The following GTF3C1 variants were observed in gnomAD, a reference collection of about 807,000 sequenced individuals.
The protein encoded by GTF3C1 is general transcription factor IIIC subunit 1.
GTF3C1 carries 57 observed loss-of-function variants against 226.7 expected under a neutral mutation model. The observed-to-expected ratio is 0.25, with a 90% CI of 0.20 to 0.31. The LOEUF is 0.31. Among genes scored for constraint, GTF3C1 ranks in the 10% least tolerant of loss-of-function variants. GTF3C1 has a pLI of 1.00. For synonymous variants in GTF3C1, 1,090 were observed against 1,084.8 expected, an observed-to-expected ratio of 1.00 and a Z score of -0.09; for missense variants, 2,217 against 2,776.1, an observed-to-expected ratio of 0.80 and a Z score of 4.53.
In GTF3C1 at chr16:27,470,078, G is replaced by C; in HGVS notation, c.4814+30C>G. On this transcript the variant is annotated intron_variant, in intron 31 of 36. Transcript: ENST00000356183. The surrounding 1 kb of genome is among the most constrained non-coding windows in gnomAD (Gnocchi z 4.9). ...CTGGCCAATGCCTAGCACGTGGCCA[G>C]ACCTGATGCTGCGGATGCCGGACTC... is the stretch of plus-strand genomic sequence containing the variant. 6.3e-7 allele frequency: 1 copy of C among 1,594,320 alleles called. No homozygotes were observed. Among genetic ancestry groups the C allele is most frequent in the Non-Finnish European group, 8.6e-7 (1 of 1,166,022 alleles).
At chr16:27,466,620 C>A (rs2087790857) in intron 32 of GTF3C1, among the ~76,000 whole-genome samples, 1 of 152,184 alleles carries the variant, frequency 6.6e-6, no homozygotes, top group African/African-American at 2.4e-5. Context: ...TAGAAAATAT[C>A]AGGCTCTGTG....
intron 6 of GTF3C1, among the ~76,000 whole-genome samples, chr16:27,514,370 T>C (rs2088624577): frequency 6.6e-6 from 1 of 152,096 alleles, no homozygotes; most frequent in South Asian, 2.1e-4. Flanking sequence ...AGGGGAAGTA[T>C]GGGGACAAGG....
At chr16:27,473,674 C>T (rs143023732) in intron 29 of GTF3C1, among the ~76,000 whole-genome samples, 21 of 152,332 alleles carry the variant, frequency 1.4e-4, no homozygotes, top group African/African-American at 4.6e-4. Context: ...GGGACCGGTG[C>T]GGTGGTCAGC....
intron 6 of GTF3C1, among the ~76,000 whole-genome samples, chr16:27,513,384 G>A (rs866023688): frequency 2.6e-5 from 4 of 152,184 alleles, no homozygotes; most frequent in Non-Finnish European, 4.4e-5. Context: ...AGCCTGGGAG[G>A]TCGAGGTTGC....
chr16:27,533,106 A>T (rs921258816), intron 5 of GTF3C1, among the ~76,000 whole-genome samples, 185 bp downstream of exon 5: 9 of 152,210 alleles, frequency 5.9e-5, no homozygotes, highest in African/African-American at 1.7e-4. Flanking sequence ...CACCCCAGCC[A>T]GGGCAACAGA....
At position 27,470,434 on chromosome 16, in the gene GTF3C1, A is replaced by G. The variant is rs1424264730; in HGVS notation, c.4527-39T>C. The G allele has an allele frequency of 5.8e-6, 9 of 1,541,744 alleles. No homozygotes were observed. Among genetic ancestry groups the G allele is most frequent in the Non-Finnish European group, 8.0e-6 (9 of 1,123,706 alleles). On this transcript the variant is annotated intron_variant, in intron 30 of 36. Coordinates refer to ENST00000356183, the MANE Select transcript of GTF3C1 (RefSeq NM_001520.4). The surrounding 1 kb of genome is among the most constrained non-coding windows in gnomAD (Gnocchi z 4.9). ...GAAAGGAAGGGCCTGACTGAGGGCC[A>G]GCTGTGGGAAGCCTTCATTTGGATG...
At chr16:27,484,440 T>C in intron 24 of GTF3C1, 87 bp from the exon 25 acceptor site, 1 of 913,466 alleles carries the variant, frequency 1.1e-6, no homozygotes, top group Non-Finnish European at 1.8e-6. Flanking sequence ...GGACAAAATG[T>C]GTTTTGTGCA....
intron 6 of GTF3C1, among the ~76,000 whole-genome samples, chr16:27,516,237 G>A (rs1226194347): frequency 6.6e-6 from 1 of 152,238 alleles, no homozygotes; most frequent in Non-Finnish European, 1.5e-5. Context: ...TTCTCAGCAT[G>A]AGGCTCAGTT....
At chr16:27,498,112 A>T (rs1038038554) in intron 13 of GTF3C1, among the ~76,000 whole-genome samples, 2 of 152,218 alleles carry the variant, frequency 1.3e-5, no homozygotes, top group Non-Finnish European at 2.9e-5. Flanking sequence ...GCTAGAAGTC[A>T]GTAATTATAT....
chr16:27,470,415 A>G lies in GTF3C1; in HGVS notation c.4527-20T>C, dbSNP rs772828037. On this transcript the variant is annotated intron_variant, in intron 30 of 36. Transcript: ENST00000356183. This position sits in a 1 kb window ranked among gnomAD's most constrained non-coding sequence, Gnocchi z 4.9. ...AAAATCCTACAGACAAAAAGAAAGG[A>G]AGGGCCTGACTGAGGGCCAGCTGTG... is the stretch of plus-strand genomic sequence containing the variant. 4 of 1,606,878 alleles carry G rather than the reference A, an allele frequency of 2.5e-6. No individual in the cohort carries two copies. Among genetic ancestry groups the G allele is most frequent in the Admixed American group, 3.4e-5 (2 of 59,574 alleles).
At chr16:27,503,108 C>G (rs1407136601) in intron 10 of GTF3C1, 113 bp from the exon 11 acceptor site, 72 of 708,304 alleles carry the variant, frequency 1.0e-4, no homozygotes, top group Non-Finnish European at 1.3e-4. Context: ...TCCCATCTTT[C>G]AAGAAGGGAA....
chr16:27,506,219 G>C (rs1482234558), intron 9 of GTF3C1, 103 bp from the exon 10 acceptor site: 9 of 648,756 alleles, frequency 1.4e-5, no homozygotes, highest in Non-Finnish European at 2.4e-5. Context: ...ATTCTGCTGA[G>C]AGTCAGTTGA....
In GTF3C1 at chr16:27,484,238, T is replaced by C. The variant is rs1259197637; in HGVS notation, c.3974A>G (p.Lys1325Arg). 3.1e-6 allele frequency: 5 copies of C among 1,609,636 alleles called. No individual in the cohort carries two copies. The highest frequency in any genetic ancestry group is 1.3e-5 in the African/African-American group (1 of 74,964). The change falls in exon 25 of 37, where the codon AAA becomes AGA. Residue 1325 changes from lysine (K) to arginine (R), a missense_variant. Around this residue, in one of 12 missense-constraint regions of GTF3C1, gnomAD observed 546 missense variants for 663.0 expected, o/e 0.82. Coordinates refer to ENST00000356183, the MANE Select transcript of GTF3C1 (RefSeq NM_001520.4). ...SVGRRARYIV[K>R]NPQAYLNYKV... ...ATAGTTGAGATAGGCCTGTGGGTTT[T>C]TGACTATGTAGCGAGCTCTTCGTCC... is the stretch of plus-strand genomic sequence containing the variant.
intron 1 of GTF3C1, 94 bp from the exon 2 acceptor site, chr16:27,545,617 G>C (rs994839218): frequency 1.4e-6 from 1 of 716,520 alleles, no homozygotes; most frequent in East Asian, 2.7e-5. Context: ...GCAGAGATCA[G>C]AGAGAAGTGA....
intron 6 of GTF3C1, among the ~76,000 whole-genome samples, chr16:27,524,138 G>T (rs965609737): frequency 3.3e-5 from 5 of 152,232 alleles, no homozygotes; most frequent in Non-Finnish European, 7.3e-5. Flanking sequence ...CAGGCCGCAG[G>T]CTATACAGTG....
At chr16:27,536,035 T>TA (rs2088996463) in intron 4 of GTF3C1, among the ~76,000 whole-genome samples, 1 of 152,222 alleles carries the variant, frequency 6.6e-6, no homozygotes, top group Non-Finnish European at 1.5e-5. Context: ...ACATGTACTG[T>TA]AGAGTGAGGT....
chr16:27,471,539 A>G lies in GTF3C1; in HGVS notation c.4526+209T>C, dbSNP rs1377835589. On this transcript the variant is annotated intron_variant, in intron 30 of 36. Transcript: ENST00000356183. This position sits in a 1 kb window ranked among gnomAD's most constrained non-coding sequence, Gnocchi z 5.0. ...CCACCTGCAAAATGGTAACGCCGCC[A>G]ACACAAAGAAGCTGCCAGCGCTCAC... is the stretch of plus-strand genomic sequence containing the variant. 5 of 523,310 alleles carry G rather than the reference A, an allele frequency of 9.6e-6. No individual in the cohort carries two copies. The highest frequency in any genetic ancestry group is 1.7e-5 in the Non-Finnish European group (5 of 293,610). The allele number at this position is 523,310 out of a possible 1,614,324, so 32.4% of individuals were successfully genotyped here.
chr16:27,512,983 T>A (rs2088599308), intron 6 of GTF3C1, among the ~76,000 whole-genome samples: 1 of 152,216 alleles, frequency 6.6e-6, no homozygotes, highest in Non-Finnish European at 1.5e-5. Context: ...TGTAAAGATG[T>A]TCACGTCTTC....
rs2087867946 is a variant in GTF3C1 at position 27,471,434 on chromosome 16, C to G, written c.4526+314G>C. ...AAGAGGGACTGAGGCTATGCTGGAA[C>G]AGGAGGGTGGACTTCCAGCCAGGCC... On this transcript the variant is annotated intron_variant, in intron 30 of 36. Transcript: ENST00000356183. The surrounding 1 kb of genome is among the most constrained non-coding windows in gnomAD (Gnocchi z 5.0). 6.3e-6 allele frequency: 2 copies of G among 315,440 alleles called. No homozygotes were observed. Among genetic ancestry groups the G allele is most frequent in the South Asian group, 7.6e-5 (2 of 26,186 alleles). The allele number at this position is 315,440 out of a possible 1,614,324, so 19.5% of individuals were successfully genotyped here. A position where few individuals can be genotyped will look rare whatever the true frequency, so the allele number is the denominator to read the frequency against.
Sources: gnomAD v4.1 joint callset for allele counts (sites outside exome capture counted in the v4.1 genomes callset) on GRCh38, gnomAD v4.1.1 for gene constraint, gnomAD v4.1.1 regional missense constraint, Gnocchi (gnomAD v3.1) non-coding constraint, MANE v1.5 for transcripts, NCBI Gene and HGNC (gene_info 2026-07-23, HGNC 2026-07-21) for gene names.